The following DNMT3A variants were observed in gnomAD, a reference collection of about 807,000 sequenced individuals.
The protein encoded by DNMT3A is DNA methyltransferase 3 alpha.
Under a neutral mutation model 117.6 loss-of-function variants are expected in DNMT3A, and 267 were observed. That is an observed-to-expected ratio of 2.27 (90% confidence interval 2.05 to 2.51). The LOEUF is 2.51. DNMT3A is among the 30% of genes most tolerant of loss of function. DNMT3A has a pLI of 0.00. For missense variants in DNMT3A, 1,029 were observed against 1,260.2 expected (o/e 0.82, Z 2.78); for synonymous variants, 432 against 474.8 (o/e 0.91, Z 1.17).
intron 6 of DNMT3A, among the ~76,000 whole-genome samples, chr2:25,249,147 T>C (rs1220503940): frequency 6.6e-6 from 1 of 152,174 alleles, no homozygotes. Context: ...GTGCCTGTAA[T>C]CCCAGTTACT....
At position 25,337,346 on chromosome 2, in the gene DNMT3A, G is replaced by A. The variant is rs926200808; in HGVS notation, c.-178+4480C>T. ...AGCACTTCCTGCAGTGCTAGTCCAC[G>A]TGAGCCACCCAAATGATGAAAACAG... is the stretch of plus-strand genomic sequence containing the variant. On this transcript the variant is annotated intron_variant, in intron 1 of 22. Transcript: ENST00000321117. The surrounding 1 kb of genome is among the most constrained non-coding windows in gnomAD (Gnocchi z 5.0). 3.9e-5 allele frequency among the ~76,000 whole-genome samples: 6 copies of A among 152,180 alleles called. No individual in the cohort carries two copies. The highest frequency in any genetic ancestry group is 1.4e-4 in the African/African-American group (6 of 41,430).
intron 1 of DNMT3A, among the ~76,000 whole-genome samples, chr2:25,319,262 C>T (rs377673171): frequency 6.6e-6 from 1 of 152,190 alleles, no homozygotes; most frequent in African/African-American, 2.4e-5. Flanking sequence ...GATCCGCCCG[C>T]CTTAGCCTCC....
rs1186266324 is a variant in DNMT3A at position 25,282,826 on chromosome 2, CTG to C, written c.178-117_178-116del. 5 of 1,316,418 alleles carry C rather than the reference CTG, an allele frequency of 3.8e-6. No homozygotes were observed. The highest frequency in any genetic ancestry group is 2.8e-5 in the Admixed American group (1 of 35,870). The allele number at this position is 1,316,418 out of a possible 1,614,324, so 81.5% of individuals were successfully genotyped here. ...ATGTTATGCACTTTCTGTCCAGAAACTGTGTTCATATAAACCTTCATGCAAAC... is the reference window on the plus strand; with the variant it reads ...ATGTTATGCACTTTCTGTCCAGAAACTGTTCATATAAACCTTCATGCAAAC... On this transcript the variant is annotated intron_variant, in intron 3 of 22. Coordinates refer to ENST00000321117, the MANE Select transcript of DNMT3A (RefSeq NM_022552.5). This position sits in a 1 kb window ranked among gnomAD's most constrained non-coding sequence, Gnocchi z 5.2.
At chr2:25,334,714 A>G (rs919262564) in intron 1 of DNMT3A, among the ~76,000 whole-genome samples, 2 of 152,100 alleles carry the variant, frequency 1.3e-5, no homozygotes, top group Non-Finnish European at 2.9e-5. Flanking sequence ...CCTAATCCCT[A>G]CCAGCCTAGG....
chr2:25,265,528 A>G (rs2030245692), intron 6 of DNMT3A, among the ~76,000 whole-genome samples: 1 of 152,230 alleles, frequency 6.6e-6, no homozygotes, highest in Non-Finnish European at 1.5e-5. Flanking sequence ...AGGTTAAAAA[A>G]ATACTTCTGG....
chr2:25,255,185 A>T (rs1676006776), intron 6 of DNMT3A, among the ~76,000 whole-genome samples: 1 of 152,178 alleles, frequency 6.6e-6, no homozygotes, highest in Non-Finnish European at 1.5e-5. Context: ...TCAGACCCCA[A>T]AGCAGAAGAG....
chr2:25,299,119 A>AGC (rs1553427594), intron 3 of DNMT3A, among the ~76,000 whole-genome samples: 2 of 152,174 alleles, frequency 1.3e-5, no homozygotes, highest in African/African-American at 4.8e-5. Context: ...CTCAGCTGGA[A>AGC]GGGGGGTAAA....
Position 25,254,762 on chromosome 2 carries a change from T to C in DNMT3A, c.640-6510A>G, listed in dbSNP as rs1192235423. Among the ~76,000 whole-genome samples the C allele has an allele frequency of 6.6e-6, 1 of 152,208 alleles. No homozygotes were observed. The highest frequency in any genetic ancestry group is 1.9e-4 in the East Asian group (1 of 5,194). Reference sequence around the variant, plus strand: ...TTCTGGTTCTGGCTTGGTGGCCTTTTGCAGACACTGTCTCATGTACGATAC... The same window carrying C: ...TTCTGGTTCTGGCTTGGTGGCCTTTCGCAGACACTGTCTCATGTACGATAC... On this transcript the variant is annotated intron_variant, in intron 6 of 22. Transcript: ENST00000321117. This position sits in a 1 kb window ranked among gnomAD's most constrained non-coding sequence, Gnocchi z 4.7.
At chr2:25,248,537 C>T (rs990569176) in intron 6 of DNMT3A, among the ~76,000 whole-genome samples, 3 of 151,072 alleles carry the variant, frequency 2.0e-5, no homozygotes, top group Non-Finnish European at 4.4e-5. Flanking sequence ...CCCTATGATA[C>T]GGAAATGTTA....
chr2:25,336,593 C>A (rs1194702550), intron 1 of DNMT3A, among the ~76,000 whole-genome samples: 1 of 152,106 alleles, frequency 6.6e-6, no homozygotes, highest in Non-Finnish European at 1.5e-5. Flanking sequence ...GGATCCGACA[C>A]CAAATGAGCT....
chr2:25,275,421 GC>G, intron 5 of DNMT3A, 78 bp downstream of exon 5: 2 of 563,064 alleles, frequency 3.6e-6, no homozygotes, highest in Non-Finnish European at 5.5e-6. Context: ...CCCACCCTCC[GC>G]CCCCTCACAC....
chr2:25,266,480 T>C (rs11690500), intron 6 of DNMT3A, among the ~76,000 whole-genome samples: 18,253 of 152,144 alleles, frequency 0.12, 1,483 homozygotes, highest in Non-Finnish European at 0.18. Context: ...CTCCTTCCCA[T>C]AGCCCCTAGC....
In DNMT3A at chr2:25,341,890, C is replaced by T; in HGVS notation, c.-242G>A. ...CTGGTGCCGCGGCGCCGCGTCCCGG[C>T]TCGTCCTCTGCTCTCGCCGCCGCCG... On this transcript the variant is annotated 5_prime_UTR_variant, in exon 1 of 23. Coordinates refer to ENST00000321117, the MANE Select transcript of DNMT3A (RefSeq NM_022552.5). The T allele has an allele frequency of 1.0e-6, 1 of 980,562 alleles. No homozygotes were observed. The highest frequency in any genetic ancestry group is 1.2e-6 in the Non-Finnish European group (1 of 827,866). 60.7% of individuals were successfully genotyped at this position (980,562 alleles called of 1,614,324 possible).
At chr2:25,255,323 T>G (rs914398745) in intron 6 of DNMT3A, among the ~76,000 whole-genome samples, 5 of 152,240 alleles carry the variant, frequency 3.3e-5, no homozygotes, top group African/African-American at 1.2e-4. Flanking sequence ...CCTGGTAGTT[T>G]ACCAGATAGG....
intron 6 of DNMT3A, among the ~76,000 whole-genome samples, chr2:25,263,005 G>C (rs774439540): frequency 6.6e-6 from 1 of 152,132 alleles, no homozygotes; most frequent in Non-Finnish European, 1.5e-5. Flanking sequence ...CTGTCACCCA[G>C]GCTGGAGTCC....
In DNMT3A at chr2:25,281,412, T is replaced by C; in HGVS notation, c.448+1029A>G. 9.8e-7 allele frequency: 1 copy of C among 1,022,536 alleles called. No homozygotes were observed. The highest frequency in any genetic ancestry group is 1.2e-6 in the Non-Finnish European group (1 of 850,684). The allele number at this position is 1,022,536 out of a possible 1,614,324, so 63.3% of individuals were successfully genotyped here. A position where few individuals can be genotyped will look rare whatever the true frequency, so the allele number is the denominator to read the frequency against. On this transcript the variant is annotated intron_variant, in intron 4 of 22. Coordinates refer to ENST00000321117, the MANE Select transcript of DNMT3A (RefSeq NM_022552.5). The surrounding 1 kb of genome is among the most constrained non-coding windows in gnomAD (Gnocchi z 4.8). Reference sequence around the variant, plus strand: ...TGTTCTGCACATAGTGGGAGCATCATACATATTTGTCGAATAATAAATGAA... The same window carrying C: ...TGTTCTGCACATAGTGGGAGCATCACACATATTTGTCGAATAATAAATGAA...
chr2:25,240,611 G>C (rs375456319), intron 18 of DNMT3A, 29 bp downstream of exon 18: 16 of 1,612,132 alleles, frequency 9.9e-6, no homozygotes, highest in Middle Eastern at 1.6e-4. Flanking sequence ...CACCAGCTGA[G>C]AAGGTGGAGG....
chr2:25,240,767 C>T, intron 17 of DNMT3A, 37 bp from the exon 18 acceptor site: 1 of 1,594,574 alleles, frequency 6.3e-7, no homozygotes, highest in Non-Finnish European at 8.6e-7. Flanking sequence ...GCCTGCTGTC[C>T]AGGGACAGAG....
At position 25,282,136 on chromosome 2, in the gene DNMT3A, C is replaced by T. The variant is rs891272660; in HGVS notation, c.448+305G>A. On this transcript the variant is annotated intron_variant, in intron 4 of 22. Coordinates refer to ENST00000321117, the MANE Select transcript of DNMT3A (RefSeq NM_022552.5). The surrounding 1 kb of genome is among the most constrained non-coding windows in gnomAD (Gnocchi z 5.2). Reference sequence around the variant, plus strand: ...AGCAATCGTTGGCGTTATGAAAGCCCGCTGTTGCCAGATCTAGCTTTTTTT... The same window carrying T: ...AGCAATCGTTGGCGTTATGAAAGCCTGCTGTTGCCAGATCTAGCTTTTTTT... 32 of 1,154,490 alleles carry T rather than the reference C, an allele frequency of 2.8e-5. No homozygotes were observed. Among genetic ancestry groups the T allele is most frequent in the Admixed American group, 3.8e-5 (1 of 26,138 alleles). 71.5% of individuals were successfully genotyped at this position (1,154,490 alleles called of 1,614,324 possible). A position where few individuals can be genotyped will look rare whatever the true frequency, so the allele number is the denominator to read the frequency against.
Sources: gnomAD v4.1 joint callset for allele counts (sites outside exome capture counted in the v4.1 genomes callset) on GRCh38, gnomAD v4.1.1 for gene constraint, Gnocchi (gnomAD v3.1) non-coding constraint, MANE v1.5 for transcripts, NCBI Gene and HGNC (gene_info 2026-07-23, HGNC 2026-07-21) for gene names.